SLC45A2: variants seen among roughly 807,000 people sequenced by gnomAD.
SLC45A2 encodes membrane-associated transporter protein.
Under a neutral mutation model 45.5 loss-of-function variants are expected in SLC45A2, and 36 were observed. The ratio of observed to expected loss-of-function variants is 0.79; its 90% CI spans 0.61 to 1.04. The LOEUF (loss-of-function observed/expected upper bound fraction) is 1.04. SLC45A2 is among the 50% of genes least tolerant of loss of function. The pLI is 0.00. For missense variants in SLC45A2, 719 were observed against 671.0 expected (o/e 1.07, Z -0.79); for synonymous variants, 306 against 269.3 (o/e 1.14, Z -1.33).
chr5:33,977,231 C>T (rs1186074838), intron 2 of SLC45A2, among the ~76,000 whole-genome samples: 2 of 152,210 alleles, frequency 1.3e-5, no homozygotes, highest in East Asian at 1.9e-4. Flanking sequence ...TCTTGGATTT[C>T]CATACTCCAG....
chr5:33,978,341 C>T (rs1339243927), intron 2 of SLC45A2, among the ~76,000 whole-genome samples: 1 of 152,114 alleles, frequency 6.6e-6, no homozygotes, highest in Non-Finnish European at 1.5e-5. Context: ...AAATATATTT[C>T]TTTGATATAT....
intron 2 of SLC45A2, among the ~76,000 whole-genome samples, chr5:33,964,637 TA>T (rs1752552275): frequency 6.6e-6 from 1 of 152,150 alleles, no homozygotes; most frequent in South Asian, 2.1e-4. Flanking sequence ...CATGAATTTT[TA>T]AAAATCCTAT....
intron 6 of SLC45A2, 157 bp downstream of exon 6, chr5:33,947,006 C>T: frequency 1.3e-6 from 2 of 1,584,126 alleles, no homozygotes; most frequent in Non-Finnish European, 1.7e-6. Context: ...GTGAGCATGC[C>T]TGTACCAGAT....
intron 2 of SLC45A2, among the ~76,000 whole-genome samples, chr5:33,968,905 G>A (rs1338936070): frequency 6.6e-6 from 1 of 152,114 alleles, no homozygotes; most frequent in Non-Finnish European, 1.5e-5. Context: ...TCTTCCCATG[G>A]GGTTCATGAG....
At chr5:33,963,630 AAC>A (rs1752512470) in intron 3 of SLC45A2, 59 bp downstream of exon 3, 12 of 1,419,788 alleles carry the variant, frequency 8.5e-6, no homozygotes, top group Admixed American at 6.7e-5. Context: ...TTAAAAAAAC[AAC>A]AACAACAACA....
Position 33,983,730 on chromosome 5 carries a change from T to G in SLC45A2, c.385+469A>C, listed in dbSNP as rs1753148654. 2.0e-5 allele frequency among the ~76,000 whole-genome samples: 3 copies of G among 152,234 alleles called. No homozygotes were observed. The South Asian group carries it at 6.2e-4, about 31-fold the overall frequency. ...GAAAGGTCCTCTTGAGCTGATGGGCTTATGCCCTACGCCTATTAAAACGCT... is the reference window on the plus strand; with the variant it reads ...GAAAGGTCCTCTTGAGCTGATGGGCGTATGCCCTACGCCTATTAAAACGCT... On this transcript the variant is annotated intron_variant, in intron 1 of 6. Coordinates refer to ENST00000296589, the MANE Select transcript of SLC45A2 (RefSeq NM_016180.5).
intron 1 of SLC45A2, among the ~76,000 whole-genome samples, chr5:33,982,922 C>T (rs898806469): frequency 7.2e-5 from 11 of 152,210 alleles, no homozygotes; most frequent in African/African-American, 1.2e-4. Context: ...CCTCCTTTTA[C>T]GCACTTCTGC....
intron 2 of SLC45A2, chr5:33,971,048 C>T (rs892405710): frequency 1.2e-5 from 6 of 497,674 alleles, no homozygotes; most frequent in Non-Finnish European, 2.0e-5. Context: ...CATGCTTAAA[C>T]AATTAACTGA....
At position 33,963,677 on chromosome 5, in the gene SLC45A2, T is replaced by G; in HGVS notation, c.888+14A>C. ...AATATTTTCCCTTGTAAAGAAAAAA[T>G]GTTGCATCTTTACCTGTTCAGCATG... On this transcript the variant is annotated intron_variant, in intron 3 of 6. Transcript: ENST00000296589. 6.2e-7 allele frequency: 1 copy of G among 1,612,484 alleles called. No homozygotes were observed. The highest frequency in any genetic ancestry group is 1.1e-5 in the South Asian group (1 of 91,048).
At chr5:33,951,802 G>C in intron 4 of SLC45A2, 125 bp from the exon 5 acceptor site, 1 of 1,170,488 alleles carries the variant, frequency 8.5e-7, no homozygotes, top group Non-Finnish European at 1.3e-6. Flanking sequence ...CTAGAGTACA[G>C]AGCTGATGCT....
intron 1 of SLC45A2, among the ~76,000 whole-genome samples, chr5:33,983,139 A>T (rs1486609488): frequency 6.6e-6 from 1 of 152,254 alleles, no homozygotes; most frequent in Non-Finnish European, 1.5e-5. Context: ...CAGAGGCCAC[A>T]TCTTTGAACA....
chr5:33,946,846 T>C (rs1751944482), intron 6 of SLC45A2: 3 of 1,314,646 alleles, frequency 2.3e-6, no homozygotes, highest in Non-Finnish European at 2.9e-6. Flanking sequence ...CCCCCTTTTT[T>C]TGTCTTTGTG....
At chr5:33,970,808 T>C (rs1752754956) in intron 2 of SLC45A2, 1 of 284,342 alleles carries the variant, frequency 3.5e-6, no homozygotes, top group African/African-American at 2.2e-5. Context: ...TTGAGGAGTT[T>C]ATGTGATGGT....
At chr5:33,974,186 T>A (rs1386308600) in intron 2 of SLC45A2, among the ~76,000 whole-genome samples, 1 of 152,132 alleles carries the variant, frequency 6.6e-6, no homozygotes, top group South Asian at 2.1e-4. Context: ...GAGTGAAGGA[T>A]CTGTGTGGTG....
Position 33,947,278 on chromosome 5 carries a change from A to G in SLC45A2, c.1253T>C (p.Phe418Ser). The G allele has an allele frequency of 6.2e-7, 1 of 1,614,228 alleles. No homozygotes were observed. Among genetic ancestry groups the G allele is most frequent in the Non-Finnish European group, 8.5e-7 (1 of 1,180,042 alleles). The part of the protein sequence containing the change: ...FGLGTGFIGL[F>S]PNVYSTLVLC... The stretch of plus-strand genomic sequence containing the variant: ...GACCAGGGTGGAGTAGACATTCGGG[A>G]AGAGCCCAATAAATCCCGTCCCCAG... Residue 418 changes from phenylalanine to serine, a missense_variant, in exon 6 of 7, where the codon TTC becomes TCC. By Grantham distance (155) the Phe-to-Ser change is radical (BLOSUM62 -2). Transcript: ENST00000296589.
chr5:33,966,337 G>A (rs529552268), intron 2 of SLC45A2, among the ~76,000 whole-genome samples: 1 of 151,542 alleles, frequency 6.6e-6, no homozygotes, highest in South Asian at 2.1e-4. Context: ...AACTTCTGGG[G>A]ATATAAACAT....
intron 5 of SLC45A2, among the ~76,000 whole-genome samples, chr5:33,950,361 C>T (rs1174928583): frequency 6.6e-6 from 1 of 152,120 alleles, no homozygotes; most frequent in Non-Finnish European, 1.5e-5. Flanking sequence ...TCTTAGTTTG[C>T]ACACTCGAAG....
chr5:33,977,702 G>C (rs1056107650), intron 2 of SLC45A2, among the ~76,000 whole-genome samples: 1 of 152,166 alleles, frequency 6.6e-6, no homozygotes, highest in Non-Finnish European at 1.5e-5. Context: ...AGAGGAGTGA[G>C]GGATGCAGGG....
chr5:33,976,124 C>T (rs1373998841), intron 2 of SLC45A2, among the ~76,000 whole-genome samples: 7 of 152,228 alleles, frequency 4.6e-5, no homozygotes, highest in South Asian at 2.1e-4. Flanking sequence ...GTTTTGTGGG[C>T]GTTAGTGACT....
Sources: gnomAD v4.1 joint callset for allele counts (sites outside exome capture counted in the v4.1 genomes callset) on GRCh38, gnomAD v4.1.1 for gene constraint, MANE v1.5 for transcripts, NCBI Gene and HGNC (gene_info 2026-07-23, HGNC 2026-07-21) for gene names.